ERBB4: variants seen among roughly 807,000 people sequenced by gnomAD.
ERBB4 encodes erb-b2 receptor tyrosine kinase 4.
A neutral mutation model predicts 158.0 loss-of-function variants in ERBB4; 42 were observed. The observed-to-expected ratio is 0.27, with a 90% CI of 0.21 to 0.34. The LOEUF is 0.34. ERBB4 is among the 10% of genes least tolerant of loss of function. The pLI, the probability that ERBB4 is intolerant of heterozygous loss-of-function variation, is 1.00. For missense variants in ERBB4, 1,333 were observed against 1,624.1 expected, an observed-to-expected ratio of 0.82 and a Z score of 3.08; for synonymous variants, 583 against 558.7, an observed-to-expected ratio of 1.04 and a Z score of -0.61.
intron 1 of ERBB4, among the ~76,000 whole-genome samples, chr2:212,230,970 C>A (rs1196276321): frequency 6.6e-6 from 1 of 152,106 alleles, no homozygotes; most frequent in Non-Finnish European, 1.5e-5. Context: ...AAAAACTTTG[C>A]AAAATACTGT....
chr2:211,663,606 T>C (rs1033466225), intron 15 of ERBB4, among the ~76,000 whole-genome samples: 10 of 152,078 alleles, frequency 6.6e-5, no homozygotes, highest in African/African-American at 2.4e-4. Context: ...ATTATTATTA[T>C]ATAATAATGA....
intron 20 of ERBB4, among the ~76,000 whole-genome samples, chr2:211,561,360 CT>C (rs1253317329): frequency 7.2e-5 from 11 of 152,192 alleles, no homozygotes; most frequent in Admixed American, 5.9e-4. Flanking sequence ...CCCACCTCCC[CT>C]ATCACCCCAG....
chr2:211,823,943 G>A (rs951431462), intron 3 of ERBB4, among the ~76,000 whole-genome samples: 5 of 151,996 alleles, frequency 3.3e-5, no homozygotes, highest in Non-Finnish European at 7.4e-5. Flanking sequence ...GTGTATGAAA[G>A]AAAATGTTTT....
At chr2:211,832,861 T>C (rs1176421912) in intron 3 of ERBB4, among the ~76,000 whole-genome samples, 2 of 146,954 alleles carry the variant, frequency 1.4e-5, no homozygotes, top group Admixed American at 6.8e-5. Flanking sequence ...TTTATATATA[T>C]ATAAATAAAT....
chr2:212,448,652 T>C (rs1359257712), intron 1 of ERBB4, among the ~76,000 whole-genome samples: 1 of 152,130 alleles, frequency 6.6e-6, no homozygotes. Flanking sequence ...ATGGAGATTC[T>C]ATACTGCATC....
At chr2:211,596,420 T>G (rs2068631729) in intron 19 of ERBB4, among the ~76,000 whole-genome samples, 3 of 152,210 alleles carry the variant, frequency 2.0e-5, no homozygotes, top group Admixed American at 2.0e-4. Flanking sequence ...ATAGTAGTTA[T>G]AAATCCACTA....
intron 20 of ERBB4, among the ~76,000 whole-genome samples, chr2:211,539,512 C>T (rs1406942123): frequency 6.6e-6 from 1 of 151,950 alleles, no homozygotes; most frequent in Admixed American, 6.6e-5. Context: ...ACTAGTGACT[C>T]ATATATAATT....
chr2:211,496,885 T>C (rs1171118315), intron 20 of ERBB4, among the ~76,000 whole-genome samples: 4 of 152,134 alleles, frequency 2.6e-5, no homozygotes, highest in Admixed American at 2.0e-4. Flanking sequence ...GTGATGCCAT[T>C]ACGGCCAGGC....
chr2:211,802,729 G>A (rs2076528289), intron 3 of ERBB4, among the ~76,000 whole-genome samples: 2 of 152,168 alleles, frequency 1.3e-5, no homozygotes, highest in African/African-American at 4.8e-5. Flanking sequence ...TAGCTGATAT[G>A]CACCTAGCTA....
intron 2 of ERBB4, among the ~76,000 whole-genome samples, chr2:212,109,114 G>A (rs2079321763): frequency 6.6e-6 from 1 of 152,118 alleles, no homozygotes. Context: ...CTCAGGGAGG[G>A]GAAGAAAATG....
At chr2:212,534,244 C>T (rs1692916804) in intron 1 of ERBB4, among the ~76,000 whole-genome samples, 1 of 152,176 alleles carries the variant, frequency 6.6e-6, no homozygotes, top group South Asian at 2.1e-4. Context: ...CTAAAATATG[C>T]ACTGTGCATA....
intron 1 of ERBB4, among the ~76,000 whole-genome samples, chr2:212,175,791 G>T (rs1249149321): frequency 1.3e-5 from 2 of 151,762 alleles, no homozygotes; most frequent in African/African-American, 4.8e-5. Context: ...ATATTTCATT[G>T]TTAAAGCCTT....
At chr2:212,528,930 A>G (rs1464885123) in intron 1 of ERBB4, among the ~76,000 whole-genome samples, 2 of 152,186 alleles carry the variant, frequency 1.3e-5, no homozygotes, top group Non-Finnish European at 2.9e-5. Flanking sequence ...AATCTTAGCT[A>G]TAACAAAGTT....
intron 1 of ERBB4, among the ~76,000 whole-genome samples, chr2:212,301,922 T>C (rs2086638550): frequency 6.6e-6 from 1 of 151,432 alleles, no homozygotes; most frequent in African/African-American, 2.4e-5. Context: ...GATAAAAGAC[T>C]TTCAAGAAAT....
intron 1 of ERBB4, among the ~76,000 whole-genome samples, chr2:212,413,956 GTTTTATTCATC>G (rs753876209): frequency 1.3e-5 from 2 of 152,078 alleles, no homozygotes; most frequent in Admixed American, 1.3e-4. Context: ...CAGATTCTCA[GTTTTATTCATC>G]TGTGAAATAG....
At chr2:212,382,009 C>T (rs1286689669) in intron 1 of ERBB4, among the ~76,000 whole-genome samples, 1 of 150,900 alleles carries the variant, frequency 6.6e-6, no homozygotes, top group East Asian at 1.9e-4. Context: ...GAAGCAACAG[C>T]ATCACTTAGG....
chr2:212,494,619 C>T (rs1311147059), intron 1 of ERBB4, among the ~76,000 whole-genome samples: 1 of 151,956 alleles, frequency 6.6e-6, no homozygotes, highest in Non-Finnish European at 1.5e-5. Context: ...CGAATGGAAC[C>T]ATGAGAGTTG....
At chr2:211,669,401 CA>C (rs2071755180) in intron 14 of ERBB4, among the ~76,000 whole-genome samples, 1 of 151,916 alleles carries the variant, frequency 6.6e-6, no homozygotes, top group Admixed American at 6.6e-5. Flanking sequence ...GAATGTATTT[CA>C]AAATCAGTTC....
intron 2 of ERBB4, among the ~76,000 whole-genome samples, chr2:212,033,010 G>A (rs891972235): frequency 2.0e-5 from 3 of 151,842 alleles, no homozygotes; most frequent in Non-Finnish European, 4.4e-5. Context: ...TTCTATGTGA[G>A]AGTTGATAGG....
Sources: gnomAD v4.1 joint callset for allele counts (sites outside exome capture counted in the v4.1 genomes callset) on GRCh38, gnomAD v4.1.1 for gene constraint, MANE v1.5 for transcripts, NCBI Gene and HGNC (gene_info 2026-07-23, HGNC 2026-07-21) for gene names.